SEMA6D: variants seen among roughly 807,000 people sequenced by gnomAD.
SEMA6D encodes semaphorin-6D.
A neutral mutation model predicts 106.6 loss-of-function variants in SEMA6D; 35 were observed. That is an observed-to-expected ratio of 0.33 (90% CI 0.25 to 0.44). The LOEUF is 0.44. Ranked by LOEUF, SEMA6D falls within the 20% of genes least tolerant of loss-of-function variation. The pLI is 1.00. For synonymous variants in SEMA6D, 499 were observed against 487.7 expected (o/e 1.02, Z -0.31); for missense variants, 1,185 against 1,345.9 (o/e 0.88, Z 1.87).
At chr15:47,257,279 C>G (rs961794220) in intron 1 of SEMA6D, among the ~76,000 whole-genome samples, 8 of 152,052 alleles carry the variant, frequency 5.3e-5, no homozygotes, top group African/African-American at 1.9e-4. Flanking sequence ...GTATGGTCTC[C>G]ATCTCCTGAC....
At chr15:47,691,883 A>G (rs2078594682) in intron 4 of SEMA6D, among the ~76,000 whole-genome samples, 1 of 152,134 alleles carries the variant, frequency 6.6e-6, no homozygotes. Flanking sequence ...AAAATGTGAA[A>G]TGCTTTATAA....
rs764974249 is a variant in SEMA6D, at chr15:47,771,558, G to A, written c.2995G>A (p.Gly999Arg). The A allele has an allele frequency of 1.2e-6, 2 of 1,614,094 alleles. No individual in the cohort carries two copies. Among genetic ancestry groups the A allele is most frequent in the Non-Finnish European group, 8.5e-7 (1 of 1,179,984 alleles). ...LSRQPSMNRG[G>R]YMPTPTGAKV... Reference sequence around the variant, plus strand: ...CAGACAGCCTAGTATGAACCGTGGAGGATATATGCCCACCCCCACTGGGGC... The same window carrying A: ...CAGACAGCCTAGTATGAACCGTGGAAGATATATGCCCACCCCCACTGGGGC... The change falls in exon 19 of 19, where the codon GGA (glycine) becomes AGA (arginine). Residue 999 changes from glycine to arginine, a missense_variant. Around this residue, in one of 3 missense-constraint regions of SEMA6D, gnomAD observed 750 missense variants for 783.5 expected, o/e 0.96. Transcript: ENST00000536845.
upstream of SEMA6D, among the ~76,000 whole-genome samples, chr15:47,715,738 T>C (rs1030635045): frequency 6.6e-6 from 1 of 152,278 alleles, no homozygotes; most frequent in Non-Finnish European, 1.5e-5. Flanking sequence ...AAGCTGACGA[T>C]TGTGGAATTT....
chr15:47,215,259 G>A (rs532912371), intron 1 of SEMA6D, among the ~76,000 whole-genome samples: 71 of 151,354 alleles, frequency 4.7e-4, no homozygotes, highest in Non-Finnish European at 8.5e-4. Flanking sequence ...AGACTTTAAC[G>A]GAAAAAAGAG....
chr15:47,729,516 C>T (rs974048095), intron 1 of SEMA6D, among the ~76,000 whole-genome samples: 1 of 152,280 alleles, frequency 6.6e-6, no homozygotes, highest in Non-Finnish European at 1.5e-5. Context: ...AGAAGGATGG[C>T]AGGGGCAGTT....
chr15:47,395,020 C>T (rs1595896534), intron 1 of SEMA6D, among the ~76,000 whole-genome samples: 1 of 151,620 alleles, frequency 6.6e-6, no homozygotes, highest in African/African-American at 2.4e-5. Context: ...TGCCATGTCC[C>T]CAAATATATG....
chr15:47,475,993 T>C (rs1393206241), intron 3 of SEMA6D, among the ~76,000 whole-genome samples: 1 of 152,090 alleles, frequency 6.6e-6, no homozygotes, highest in East Asian at 1.9e-4. Flanking sequence ...TTGGGCAAAG[T>C]GTGGTGAAAA....
At chr15:47,435,469 C>T (rs1434560195) in intron 2 of SEMA6D, among the ~76,000 whole-genome samples, 2 of 152,082 alleles carry the variant, frequency 1.3e-5, no homozygotes, top group East Asian at 1.9e-4. Flanking sequence ...ATAAGAAACA[C>T]TGACTTGCAC....
At chr15:47,725,987 C>T (rs1003409452) in intron 1 of SEMA6D, among the ~76,000 whole-genome samples, 12 of 152,220 alleles carry the variant, frequency 7.9e-5, no homozygotes, top group African/African-American at 2.9e-4. Flanking sequence ...AAGGATTAAG[C>T]ATATACAAAT....
chr15:47,614,017 C>T (rs939040302), intron 4 of SEMA6D, among the ~76,000 whole-genome samples: 1 of 152,072 alleles, frequency 6.6e-6, no homozygotes, highest in African/African-American at 2.4e-5. Context: ...CAACTTAATG[C>T]CATTAATACT....
rs538299638 is a variant in SEMA6D, at chr15:47,395,078, A to G, written c.-238-17315A>G. ...AAACTGAGAAATGAGGAAATTCCCA[A>G]ATACATAAAGGTATATCTGATCTAT... On this transcript the variant is annotated intron_variant, in intron 1 of 19. Coordinates refer to the SEMA6D transcript ENST00000558014. Among the ~76,000 whole-genome samples, 32 of 152,288 alleles carry G rather than the reference A, an allele frequency of 2.1e-4. 1 individual carries two copies. The South Asian group carries it at 5.0e-3, about 24-fold the overall frequency.
intron 3 of SEMA6D, among the ~76,000 whole-genome samples, chr15:47,515,271 G>C (rs184626661): frequency 6.6e-6 from 1 of 152,156 alleles, no homozygotes; most frequent in African/African-American, 2.4e-5. Flanking sequence ...ACTACCTCTT[G>C]CTCCACGTAC....
intron 1 of SEMA6D, among the ~76,000 whole-genome samples, chr15:47,737,614 A>G (rs1387548297): frequency 6.6e-6 from 1 of 151,858 alleles, no homozygotes; most frequent in East Asian, 1.9e-4. Context: ...GGTTTTCATT[A>G]TTATTATCTG....
At chr15:47,410,078 G>A (rs1399776147) in intron 1 of SEMA6D, among the ~76,000 whole-genome samples, 3 of 152,064 alleles carry the variant, frequency 2.0e-5, no homozygotes, top group Non-Finnish European at 4.4e-5. Flanking sequence ...GGGCTCAGGT[G>A]ATCCTCTGAC....
At chr15:47,470,537 C>T (rs1014482832) in exon 3 of SEMA6D, 1 of 152,042 alleles carries the variant, frequency 6.6e-6, no homozygotes, top group African/African-American at 2.4e-5. Flanking sequence ...AAGCCCAAGA[C>T]TGCTGGAGGT....
At chr15:47,650,008 C>T (rs968240039) in intron 4 of SEMA6D, among the ~76,000 whole-genome samples, 2 of 152,144 alleles carry the variant, frequency 1.3e-5, no homozygotes, top group Admixed American at 6.5e-5. Flanking sequence ...ATTATTGGCC[C>T]CACATGCCCT....
At chr15:47,491,571 ATGGCAAG>A (rs758366740) in intron 3 of SEMA6D, among the ~76,000 whole-genome samples, 1 of 152,204 alleles carries the variant, frequency 6.6e-6, no homozygotes, top group Non-Finnish European at 1.5e-5. Context: ...ATGGTAAGGA[ATGGCAAG>A]GTGCTCATTA....
chr15:47,441,895 C>T (rs933485990), intron 2 of SEMA6D, among the ~76,000 whole-genome samples: 38 of 151,966 alleles, frequency 2.5e-4, no homozygotes, highest in Admixed American at 1.5e-3. Context: ...CAGAGATCTC[C>T]TGTAACCTCA....
In SEMA6D at chr15:47,445,191, T is replaced by A. The variant is rs1192867359; in HGVS notation, c.-158-25283T>A. Among the ~76,000 whole-genome samples the A allele has an allele frequency of 2.6e-5, 4 of 152,200 alleles. No homozygotes were observed. The East Asian group carries it at 7.8e-4, about 29-fold the overall frequency. On this transcript the variant is annotated intron_variant, in intron 2 of 19. Transcript: ENST00000558014. ...TGGAGCGTATGGTTTGTGGCTTATATAGGTACAGAAGAGGGGGGTGTGGTG... is the reference window on the plus strand; with the variant it reads ...TGGAGCGTATGGTTTGTGGCTTATAAAGGTACAGAAGAGGGGGGTGTGGTG...
Sources: gnomAD v4.1 joint callset for allele counts (sites outside exome capture counted in the v4.1 genomes callset) on GRCh38, gnomAD v4.1.1 for gene constraint, gnomAD v4.1.1 regional missense constraint, MANE v1.5 for transcripts, NCBI Gene and HGNC (gene_info 2026-07-23, HGNC 2026-07-21) for gene names.